The following RMND1 variants were observed in gnomAD, a reference collection of about 807,000 sequenced individuals.
The protein encoded by RMND1 is required for meiotic nuclear division protein 1 homolog.
RMND1 carries 41 observed loss-of-function variants against 54.0 expected under a neutral mutation model. The ratio of observed to expected loss-of-function variants is 0.76; its 90% CI spans 0.59 to 0.98. RMND1 has a LOEUF of 0.98. RMND1 is among the 50% of genes least tolerant of loss of function. RMND1 has a pLI of 0.00. For synonymous variants in RMND1, 183 were observed against 181.7 expected, an observed-to-expected ratio of 1.01 and a Z score of -0.06; for missense variants, 457 against 532.0, an observed-to-expected ratio of 0.86 and a Z score of 1.39.
At position 151,426,280 on chromosome 6, in the gene RMND1, A is replaced by G. The variant is rs558953597; in HGVS notation, c.830+1202T>C. 5.3e-5 allele frequency among the ~76,000 whole-genome samples: 8 copies of G among 152,230 alleles called. No homozygotes were observed. In the South Asian group the frequency reaches 1.5e-3, roughly 28 times the overall value. ...CTTTCTTAAGAACCTGCAAAGACTC[A>G]TATTTCACTAGACAGGTAACTCCAT... On this transcript the variant is annotated intron_variant, in intron 6 of 11. Transcript: ENST00000444024.
chr6:151,414,916 C>T (rs577729345), intron 10 of RMND1, among the ~76,000 whole-genome samples: 1 of 152,172 alleles, frequency 6.6e-6, no homozygotes, highest in South Asian at 2.1e-4. Context: ...AGAAAACTGT[C>T]TACCTAGAAT....
At chr6:151,447,344 A>G (rs905021914) in intron 1 of RMND1, among the ~76,000 whole-genome samples, 5 of 152,084 alleles carry the variant, frequency 3.3e-5, no homozygotes, top group African/African-American at 1.2e-4. Flanking sequence ...TTTGGTGATG[A>G]TATGTAGGAG....
chr6:151,450,508 CCG>C (rs1455530728), intron 1 of RMND1, among the ~76,000 whole-genome samples: 157 of 140,322 alleles, frequency 1.1e-3, no homozygotes, highest in African/African-American at 3.9e-3. Flanking sequence ...GCCCGGCCAG[CCG>C]CCCCGTCCGG....
chr6:151,414,279 GT>G (rs1168742637), intron 10 of RMND1, among the ~76,000 whole-genome samples: 2 of 152,082 alleles, frequency 1.3e-5, no homozygotes, highest in Non-Finnish European at 1.5e-5. Flanking sequence ...GTCTCATTGT[GT>G]TTCCCAGGCT....
intron 3 of RMND1, among the ~76,000 whole-genome samples, chr6:151,436,000 GA>G (rs2114958057): frequency 6.6e-6 from 1 of 151,654 alleles, no homozygotes; most frequent in Non-Finnish European, 1.5e-5. Context: ...AGCTACTCCG[GA>G]GGCTGAGGCA....
At chr6:151,410,269 A>C (rs534178976) in intron 10 of RMND1, among the ~76,000 whole-genome samples, 30 of 152,100 alleles carry the variant, frequency 2.0e-4, no homozygotes, top group Middle Eastern at 3.4e-3. Context: ...GTTAGCCAGG[A>C]TGGTCTGGAT....
chr6:151,450,540 C>G (rs1407646267), intron 1 of RMND1, among the ~76,000 whole-genome samples: 1 of 144,634 alleles, frequency 6.9e-6, no homozygotes, highest in Non-Finnish European at 1.5e-5. Context: ...GGGGGGTCAG[C>G]CCCCCGCCCG....
At chr6:151,416,108 A>G (rs1779998119) in intron 10 of RMND1, among the ~76,000 whole-genome samples, 1 of 151,620 alleles carries the variant, frequency 6.6e-6, no homozygotes, top group African/African-American at 2.4e-5. Flanking sequence ...CCTCCCGAGT[A>G]GCTGGGACTA....
intron 6 of RMND1, among the ~76,000 whole-genome samples, chr6:151,424,136 C>T (rs1028568677): frequency 1.3e-5 from 2 of 152,038 alleles, no homozygotes; most frequent in African/African-American, 2.4e-5. Context: ...CAGGTGCGAG[C>T]CACCTTGCCC....
rs886180082 is a variant in RMND1, at chr6:151,433,951, C to A, written c.614-721G>T. On this transcript the variant is annotated intron_variant, in intron 3 of 11. Coordinates refer to ENST00000444024, the MANE Select transcript of RMND1 (RefSeq NM_017909.4). ...CTGAACTCAAGGGACCCCCCCCCGC[C>A]CCACCCACCTCAGCCTCCCAAGTAG... Among the ~76,000 whole-genome samples, 9 of 138,940 alleles carry A rather than the reference C, an allele frequency of 6.5e-5. 1 individual carries two copies. In the East Asian group the frequency reaches 1.8e-3, roughly 28 times the overall value. The allele number at this position is 138,940 out of a possible 152,430, so 91.2% of individuals were successfully genotyped here.
chr6:151,450,584 G>T (rs1404509632), intron 1 of RMND1, among the ~76,000 whole-genome samples: 2 of 146,730 alleles, frequency 1.4e-5, no homozygotes, highest in African/African-American at 5.1e-5. Flanking sequence ...AGGTGGGGGG[G>T]TCAGCCCCCC....
At chr6:151,429,629 G>A (rs952484736) in intron 5 of RMND1, among the ~76,000 whole-genome samples, 13 of 152,102 alleles carry the variant, frequency 8.5e-5, no homozygotes, top group South Asian at 2.1e-4. Context: ...AAATCATCAC[G>A]AATAGTTATG....
At chr6:151,428,568 G>A (rs1350962991) in intron 5 of RMND1, among the ~76,000 whole-genome samples, 3 of 152,192 alleles carry the variant, frequency 2.0e-5, no homozygotes, top group Admixed American at 2.0e-4. Flanking sequence ...GTCTCACCTT[G>A]TCACCCAGGC....
intron 8 of RMND1, 146 bp downstream of exon 8, chr6:151,422,395 C>A: frequency 4.3e-6 from 2 of 462,316 alleles, no homozygotes; most frequent in Non-Finnish European, 7.9e-6. Flanking sequence ...GGGATTTGGA[C>A]ACTGGTAGAT....
At chr6:151,430,234 G>T (rs2114949628) in intron 4 of RMND1, 57 bp from the exon 5 acceptor site, 1 of 1,241,030 alleles carries the variant, frequency 8.1e-7, no homozygotes, top group Non-Finnish European at 1.2e-6. Context: ...ATTCTTTAGG[G>T]TCGTATATAA....
intron 2 of RMND1, among the ~76,000 whole-genome samples, chr6:151,443,807 C>T (rs1390475082): frequency 6.6e-6 from 1 of 152,128 alleles, no homozygotes; most frequent in Non-Finnish European, 1.5e-5. Flanking sequence ...TTTTACTCTG[C>T]CCTCTCCCAC....
At chr6:151,439,448 C>T (rs957254000) in intron 2 of RMND1, among the ~76,000 whole-genome samples, 61 of 152,220 alleles carry the variant, frequency 4.0e-4, no homozygotes, top group Non-Finnish European at 1.3e-4. Context: ...TTATCCCACC[C>T]GGATTTACAT....
At position 151,405,902 on chromosome 6, in the gene RMND1, C is replaced by T; in HGVS notation, c.1201-66G>A. The stretch of plus-strand genomic sequence containing the variant: ...TAATACGGTCATACACATAAAAATT[C>T]TATAGCTATACAGTGAAAAATCCTG... On this transcript the variant is annotated intron_variant, in intron 10 of 11. Transcript: ENST00000444024. 7.4e-6 allele frequency: 6 copies of T among 811,210 alleles called. No homozygotes were observed. The Admixed American group carries it at 7.9e-5, about 11-fold the overall frequency. The allele number at this position is 811,210 out of a possible 1,614,324, so 50.3% of individuals were successfully genotyped here.
intron 11 of RMND1, 61 bp downstream of exon 11, chr6:151,405,659 A>G (rs905005759): frequency 4.8e-6 from 4 of 826,626 alleles, no homozygotes; most frequent in African/African-American, 3.4e-5. Context: ...TCTTATTAGC[A>G]TAGCCCCTGT....
Sources: allele counts gnomAD v4.1 joint callset (sites outside exome capture counted in the v4.1 genomes callset), GRCh38; gene constraint gnomAD v4.1.1; transcripts MANE v1.5; gene names NCBI Gene and HGNC (gene_info 2026-07-23, HGNC 2026-07-21).